The following NPEPPS variants were observed in gnomAD, a reference collection of about 807,000 sequenced individuals.
NPEPPS encodes the protein aminopeptidase puromycin sensitive, also known as puromycin-sensitive aminopeptidase.
Under a neutral mutation model 115.5 loss-of-function variants are expected in NPEPPS, and 14 were observed. That is an observed-to-expected ratio of 0.12 (90% CI 0.08 to 0.19). The LOEUF is 0.19. NPEPPS is among the 10% of genes least tolerant of loss of function. The pLI is 1.00. For missense variants in NPEPPS, 523 were observed against 1,110.8 expected, an observed-to-expected ratio of 0.47 and a Z score of 7.52; for synonymous variants, 285 against 390.6, an observed-to-expected ratio of 0.73 and a Z score of 3.19.
chr17:47,531,623 C>T (rs1353430135), intron 1 of NPEPPS, 68 bp downstream of exon 1: 6 of 1,470,458 alleles, frequency 4.1e-6, no homozygotes, highest in East Asian at 2.8e-5. Context: ...GCGGGCTGGA[C>T]TCAGGGCCCG....
intron 4 of NPEPPS, 162 bp from the exon 5 acceptor site, chr17:47,582,580 C>T: frequency 1.5e-6 from 1 of 677,138 alleles, no homozygotes; most frequent in South Asian, 1.5e-5. Context: ...CAAGTGTTGT[C>T]TTTTCTTTCT....
At chr17:47,552,996 C>T (rs1049949527) in intron 2 of NPEPPS, among the ~76,000 whole-genome samples, 1 of 152,038 alleles carries the variant, frequency 6.6e-6, no homozygotes, top group African/African-American at 2.4e-5. Context: ...CACTCTATTG[C>T]CTGTCATTAA....
intron 2 of NPEPPS, among the ~76,000 whole-genome samples, chr17:47,565,127 A>G (rs1303004320): frequency 6.6e-6 from 1 of 152,222 alleles, no homozygotes; most frequent in Non-Finnish European, 1.5e-5. Flanking sequence ...ACAAGCAAAT[A>G]TGTGATGTAA....
Position 47,596,374 on chromosome 17 carries a change from A to G in NPEPPS, c.1448A>G (p.Glu483Gly). The G allele has an allele frequency of 6.3e-7, 1 of 1,585,562 alleles. No homozygotes were observed. The highest frequency in any genetic ancestry group is 8.6e-7 in the Non-Finnish European group (1 of 1,164,248). The change falls in exon 13 of 23, where the codon GAA (glutamate) becomes GGA (glycine). Residue 483 changes from glutamate to glycine, a missense_variant. This residue lies in a region of NPEPPS where 372 missense variants were observed against 542.6 expected (regional missense o/e 0.69). Transcript: ENST00000322157. Reference protein sequence around the residue: ...AATEDLWESLENASGKPIAAV... With the variant: ...AATEDLWESLGNASGKPIAAV... ...CTAGAGGATCTCTGGGAAAGTTTAG[A>G]AAATGCTAGTGGTAAACCTATAGCA...
intron 3 of NPEPPS, among the ~76,000 whole-genome samples, chr17:47,578,150 C>T (rs1197181304): frequency 1.2e-4 from 18 of 149,090 alleles, no homozygotes; most frequent in Admixed American, 2.0e-4. Flanking sequence ...TGCAGTGAGC[C>T]GAGATCACAC....
chr17:47,550,924 G>A (rs1255959218), intron 2 of NPEPPS, among the ~76,000 whole-genome samples: 1 of 151,968 alleles, frequency 6.6e-6, no homozygotes, highest in Non-Finnish European at 1.5e-5. Flanking sequence ...CACCACGCCC[G>A]GCCCAGTTAT....
chr17:47,581,369 G>T (rs1911862816), intron 4 of NPEPPS: 1 of 152,106 alleles, frequency 6.6e-6, no homozygotes. Context: ...TATCTTCACT[G>T]TGATATCCAT....
chr17:47,596,315 A>C, intron 12 of NPEPPS, 38 bp from the exon 13 acceptor site: 4 of 1,285,906 alleles, frequency 3.1e-6, no homozygotes, highest in Non-Finnish European at 3.2e-6. Flanking sequence ...GGAAAATAAA[A>C]ATATAAACAT....
At chr17:47,593,504 G>A (rs1181609188) in intron 12 of NPEPPS, among the ~76,000 whole-genome samples, 1 of 152,118 alleles carries the variant, frequency 6.6e-6, no homozygotes, top group African/African-American at 2.4e-5. Context: ...AGGTTACAGT[G>A]AGCAATCATG....
intron 15 of NPEPPS, among the ~76,000 whole-genome samples, chr17:47,602,681 CT>C (rs906667740): frequency 7.9e-5 from 11 of 139,146 alleles, no homozygotes; most frequent in Admixed American, 7.2e-5. Context: ...TTATCAACTT[CT>C]TTTTTTTTTG....
At chr17:47,614,885 G>C (rs965473043) in intron 19 of NPEPPS, among the ~76,000 whole-genome samples, 1 of 152,096 alleles carries the variant, frequency 6.6e-6, no homozygotes, top group South Asian at 2.1e-4. Flanking sequence ...TGACTTACAG[G>C]GAGTTCATGA....
chr17:47,579,991 A>G (rs1911778388), intron 4 of NPEPPS: 1 of 152,050 alleles, frequency 6.6e-6, no homozygotes, highest in South Asian at 2.1e-4. Context: ...ACACACATAT[A>G]TATATTTGCT....
At chr17:47,535,832 C>CTTTTTTT (rs553790964) in intron 1 of NPEPPS, among the ~76,000 whole-genome samples, 2 of 100,992 alleles carry the variant, frequency 2.0e-5, no homozygotes, top group East Asian at 3.0e-4. Flanking sequence ...ATTGGGTATT[C>CTTTTTTT]TTTTTTTTTT....
chr17:47,540,165 G>A (rs1908650430), intron 1 of NPEPPS, among the ~76,000 whole-genome samples: 1 of 151,920 alleles, frequency 6.6e-6, no homozygotes, highest in Non-Finnish European at 1.5e-5. Flanking sequence ...CCCTTACTTA[G>A]TATTTGGCTC....
chr17:47,532,144 C>G (rs1239845754), intron 1 of NPEPPS, among the ~76,000 whole-genome samples: 2 of 152,010 alleles, frequency 1.3e-5, no homozygotes, highest in Non-Finnish European at 2.9e-5. Context: ...CTGACTTCTC[C>G]CCGCCTGCTC....
intron 9 of NPEPPS, among the ~76,000 whole-genome samples, chr17:47,588,973 A>G (rs573453481): frequency 4.7e-4 from 71 of 152,242 alleles, no homozygotes; most frequent in Middle Eastern, 3.4e-3. Context: ...CTGGAGTGCA[A>G]TGGCACAATC....
chr17:47,596,601 A>G, intron 13 of NPEPPS, 139 bp downstream of exon 13: 1 of 478,546 alleles, frequency 2.1e-6, no homozygotes, highest in Non-Finnish European at 3.7e-6. Context: ...CAGTAATTTT[A>G]CAGCTTGCAT....
At chr17:47,524,027 C>T (rs1045047434) in intron 1 of NPEPPS, among the ~76,000 whole-genome samples, 5 of 151,354 alleles carry the variant, frequency 3.3e-5, no homozygotes, top group African/African-American at 7.3e-5. Context: ...GGATTTCGGC[C>T]GAGCGCAGTG....
chr17:47,528,364 C>T (rs1907523278), upstream of NPEPPS, among the ~76,000 whole-genome samples: 5 of 152,196 alleles, frequency 3.3e-5, no homozygotes, highest in South Asian at 8.3e-4. Flanking sequence ...GGTCATAGAA[C>T]TACATATATA....
Sources: gnomAD v4.1 joint callset for allele counts (sites outside exome capture counted in the v4.1 genomes callset) on GRCh38, gnomAD v4.1.1 for gene constraint, gnomAD v4.1.1 regional missense constraint, MANE v1.5 for transcripts, NCBI Gene and HGNC (gene_info 2026-07-23, HGNC 2026-07-21) for gene names.